SGCZ: variants seen among roughly 807,000 people sequenced by gnomAD.
SGCZ encodes the protein zeta-sarcoglycan.
A neutral mutation model predicts 41.3 loss-of-function variants in SGCZ; 40 were observed. The ratio of observed to expected loss-of-function variants is 0.97; its 90% CI spans 0.75 to 1.26. SGCZ has a LOEUF of 1.26. Ranked by LOEUF, SGCZ falls within the 50% of genes most tolerant of loss-of-function variation. The probability of loss-of-function intolerance (pLI) is 0.00; values close to 1 mark genes in which losing one functional copy is unlikely to be tolerated. For synonymous variants in SGCZ, 206 were observed against 137.5 expected (o/e 1.50, Z -3.49); for missense variants, 552 against 369.8 (o/e 1.49, Z -4.04).
At chr8:14,916,033 A>G (rs1799426159) in intron 1 of SGCZ, among the ~76,000 whole-genome samples, 2 of 152,180 alleles carry the variant, frequency 1.3e-5, no homozygotes, top group South Asian at 4.1e-4. Flanking sequence ...TAGAGTGACA[A>G]CTGAAACACG....
At chr8:14,489,949 C>T (rs1057218484) in intron 2 of SGCZ, among the ~76,000 whole-genome samples, 2 of 149,432 alleles carry the variant, frequency 1.3e-5, no homozygotes, top group African/African-American at 5.0e-5. Flanking sequence ...CTCACTGCAA[C>T]CTCCGCCTCC....
intron 1 of SGCZ, among the ~76,000 whole-genome samples, chr8:15,146,974 T>A (rs934083075): frequency 2.0e-5 from 3 of 152,196 alleles, no homozygotes; most frequent in African/African-American, 7.2e-5. Flanking sequence ...CCAAGTATCT[T>A]TCAATGTTTA....
intron 1 of SGCZ, among the ~76,000 whole-genome samples, chr8:14,850,657 T>C (rs1292238187): frequency 1.3e-5 from 2 of 152,174 alleles, no homozygotes; most frequent in Non-Finnish European, 2.9e-5. Context: ...TGGTTAGGCT[T>C]TGTGTACCCA....
At chr8:14,843,393 A>G (rs1269745110) in intron 1 of SGCZ, among the ~76,000 whole-genome samples, 2 of 152,156 alleles carry the variant, frequency 1.3e-5, no homozygotes, top group Non-Finnish European at 2.9e-5. Flanking sequence ...ACACAGGCCA[A>G]TTAGAATTTC....
chr8:14,140,993 G>A (rs1294842157), intron 5 of SGCZ, among the ~76,000 whole-genome samples: 2 of 152,016 alleles, frequency 1.3e-5, no homozygotes, highest in African/African-American at 4.8e-5. Flanking sequence ...AATGGAACAG[G>A]ACAGAGCCCT....
At chr8:14,838,017 G>A (rs896888918) in intron 1 of SGCZ, among the ~76,000 whole-genome samples, 12 of 151,992 alleles carry the variant, frequency 7.9e-5, no homozygotes, top group Non-Finnish European at 1.6e-4. Flanking sequence ...ATAAAAAAAA[G>A]AACAAAATCC....
intron 1 of SGCZ, among the ~76,000 whole-genome samples, chr8:14,931,251 T>C (rs897499344): frequency 3.3e-5 from 5 of 152,090 alleles, no homozygotes; most frequent in African/African-American, 7.3e-5. Flanking sequence ...AATCTCATTT[T>C]ATTCACTTAT....
At chr8:15,202,869 G>T (rs895794540) in intron 1 of SGCZ, among the ~76,000 whole-genome samples, 1 of 152,040 alleles carries the variant, frequency 6.6e-6, no homozygotes, top group Non-Finnish European at 1.5e-5. Flanking sequence ...CCAGAACGTC[G>T]GGAATCCAAG....
At chr8:14,711,737 C>T in intron 1 of SGCZ, among the ~76,000 whole-genome samples, 1 of 151,960 alleles carries the variant, frequency 6.6e-6, no homozygotes, top group Non-Finnish European at 1.5e-5. Context: ...GTGCTGACTT[C>T]ATGTACTAAA....
At chr8:14,593,373 C>T (rs1264168878) in intron 1 of SGCZ, among the ~76,000 whole-genome samples, 2 of 152,130 alleles carry the variant, frequency 1.3e-5, no homozygotes, top group African/African-American at 4.8e-5. Context: ...CCCCTTGACC[C>T]TCCAGCAGAC....
intron 1 of SGCZ, among the ~76,000 whole-genome samples, chr8:15,228,465 T>C (rs1040126143): frequency 7.9e-5 from 12 of 152,214 alleles, no homozygotes; most frequent in Non-Finnish European, 4.4e-5. Flanking sequence ...AAAGTAACTG[T>C]CTCTGCTGCC....
chr8:14,826,461 G>T (rs1258130004), intron 1 of SGCZ, among the ~76,000 whole-genome samples: 1 of 152,046 alleles, frequency 6.6e-6, no homozygotes, highest in Non-Finnish European at 1.5e-5. Flanking sequence ...TAATGGGATG[G>T]CTGGGTCAAA....
rs895862945 is a variant in SGCZ, at chr8:14,085,453, G to A, written c.*4990C>T. 2.6e-5 allele frequency among the ~76,000 whole-genome samples: 4 copies of A among 151,456 alleles called. No individual in the cohort carries two copies. The highest frequency in any genetic ancestry group is 9.7e-5 in the African/African-American group (4 of 41,264). Reference sequence around the variant, plus strand: ...TATTTATAAATACGCAAACAAATGAGATACTAAGACTGAAAAAAACAAAAA... The same window carrying A: ...TATTTATAAATACGCAAACAAATGAAATACTAAGACTGAAAAAAACAAAAA... On this transcript the variant is annotated 3_prime_UTR_variant, in exon 8 of 8. Transcript: ENST00000382080.
chr8:14,766,574 C>A (rs912773273), intron 1 of SGCZ, among the ~76,000 whole-genome samples: 3 of 151,474 alleles, frequency 2.0e-5, no homozygotes, highest in African/African-American at 7.3e-5. Flanking sequence ...TATATTTTTT[C>A]TTCTTTAGAC....
chr8:14,672,605 G>A (rs1352985177), intron 1 of SGCZ, among the ~76,000 whole-genome samples: 1 of 152,146 alleles, frequency 6.6e-6, no homozygotes, highest in Non-Finnish European at 1.5e-5. Flanking sequence ...GGAGCAGGAA[G>A]TAACTAACTC....
rs556966494 is a variant in SGCZ, at chr8:15,063,477, T to A, written c.39+174108A>T. On this transcript the variant is annotated intron_variant, in intron 1 of 7. Transcript: ENST00000382080. ...ATAATTCAGAAACTCGACTAACAAA[T>A]CATTTGGCAATAATTTAAGTTTTAT... is the stretch of plus-strand genomic sequence containing the variant. 8.3e-4 allele frequency among the ~76,000 whole-genome samples: 126 copies of A among 152,256 alleles called. 3 individuals are homozygous for A. Among genetic ancestry groups the A allele is most frequent in the Middle Eastern group, 3.4e-3 (1 of 294 alleles).
chr8:14,656,231 G>C (rs558825366), intron 1 of SGCZ, among the ~76,000 whole-genome samples: 11 of 148,050 alleles, frequency 7.4e-5, no homozygotes, highest in Non-Finnish European at 1.2e-4. Context: ...GAGATAAAGT[G>C]TTTCCACATC....
At chr8:14,889,803 A>T (rs1200776062) in intron 1 of SGCZ, among the ~76,000 whole-genome samples, 1 of 152,096 alleles carries the variant, frequency 6.6e-6, no homozygotes, top group Non-Finnish European at 1.5e-5. Flanking sequence ...AATATTGCAT[A>T]TTTTAAATAT....
At chr8:14,944,800 C>T (rs928821383) in intron 1 of SGCZ, among the ~76,000 whole-genome samples, 10 of 152,072 alleles carry the variant, frequency 6.6e-5, no homozygotes, top group Non-Finnish European at 1.3e-4. Context: ...CATTTTAAGT[C>T]AAGGAGTGTA....
Sources: gnomAD v4.1 joint callset for allele counts (sites outside exome capture counted in the v4.1 genomes callset) on GRCh38, gnomAD v4.1.1 for gene constraint, MANE v1.5 for transcripts, NCBI Gene and HGNC (gene_info 2026-07-23, HGNC 2026-07-21) for gene names.